Variants in ROR2 observed in about 807,000 individuals in gnomAD.
ROR2 encodes ROR family WNT receptor 2.
Under a neutral mutation model 74.9 loss-of-function variants are expected in ROR2, and 33 were observed. The ratio of observed to expected loss-of-function variants is 0.44; its 90% confidence interval spans 0.33 to 0.59. The LOEUF is 0.59. Ranked by LOEUF, ROR2 falls within the 20% of genes least tolerant of loss-of-function variation. The pLI is 0.02. For synonymous variants in ROR2, 586 were observed against 558.7 expected, an observed-to-expected ratio of 1.05 and a Z score of -0.69; for missense variants, 1,216 against 1,313.8, an observed-to-expected ratio of 0.93 and a Z score of 1.15.
chr9:91,828,382 A>G (rs1337126914), intron 1 of ROR2, among the ~76,000 whole-genome samples: 1 of 152,228 alleles, frequency 6.6e-6, no homozygotes, highest in Non-Finnish European at 1.5e-5. Context: ...TCACAAATTA[A>G]TTCTAAAAGT....
rs202056843 is a variant in ROR2, at chr9:91,876,378, A to AG, written c.97+73488_97+73489insC. On this transcript the variant is annotated intron_variant, in intron 1 of 8. Transcript: ENST00000375708. The stretch of plus-strand genomic sequence containing the variant: ...AGCCAGACTCTGTCTCCAAAAAAAA[A>AG]AAGTGAAATGAAAGTGAAGGCCTCA... 2.9e-3 allele frequency among the ~76,000 whole-genome samples: 439 copies of AG among 152,006 alleles called. 3 individuals carry two copies. The highest frequency in any genetic ancestry group is 4.2e-3 in the Non-Finnish European group (283 of 67,970).
At chr9:91,855,385 CA>C (rs1228091975) in intron 1 of ROR2, among the ~76,000 whole-genome samples, 1 of 152,230 alleles carries the variant, frequency 6.6e-6, no homozygotes, top group Non-Finnish European at 1.5e-5. Flanking sequence ...GAGATCAGGG[CA>C]CGGCGTTCGG....
At position 91,796,465 on chromosome 9, in the gene ROR2, A is replaced by G. The variant is rs545197219; in HGVS notation, c.98-20647T>C. ...AAAAAAAAAAAAAAAACATTTTCAC[A>G]TGTTTTACCTTTTCTTTCCAAATTC... On this transcript the variant is annotated intron_variant, in intron 1 of 8. Coordinates refer to ENST00000375708, the MANE Select transcript of ROR2 (RefSeq NM_004560.4). 4.7e-5 allele frequency among the ~76,000 whole-genome samples: 7 copies of G among 149,256 alleles called. No individual in the cohort carries two copies. The South Asian group carries it at 6.4e-4, about 14-fold the overall frequency.
chr9:91,735,221 C>T (rs541263879), intron 5 of ROR2, among the ~76,000 whole-genome samples: 3 of 152,354 alleles, frequency 2.0e-5, no homozygotes, highest in South Asian at 4.1e-4. Context: ...AACTCACATC[C>T]TGTTATCTGT....
intron 1 of ROR2, among the ~76,000 whole-genome samples, chr9:91,899,781 T>A (rs1040273197): frequency 3.9e-5 from 6 of 151,990 alleles, no homozygotes; most frequent in East Asian, 1.9e-4. Flanking sequence ...ACACAACACA[T>A]GCGCCACAAT....
At chr9:91,901,275 A>G (rs1830671606) in intron 1 of ROR2, among the ~76,000 whole-genome samples, 1 of 152,082 alleles carries the variant, frequency 6.6e-6, no homozygotes, top group South Asian at 2.1e-4. Flanking sequence ...GGGAAATGCA[A>G]ATCTGCATGT....
At chr9:91,896,897 C>T (rs1380695266) in intron 1 of ROR2, among the ~76,000 whole-genome samples, 2 of 152,212 alleles carry the variant, frequency 1.3e-5, no homozygotes, top group Non-Finnish European at 2.9e-5. Flanking sequence ...TCTGCTTGGC[C>T]AGGCCCCAGC....
chr9:91,852,927 C>T (rs1829152759), intron 1 of ROR2, among the ~76,000 whole-genome samples: 1 of 152,206 alleles, frequency 6.6e-6, no homozygotes, highest in African/African-American at 2.4e-5. Flanking sequence ...ACACGGCTGC[C>T]CCTCCTGCGT....
intron 1 of ROR2, among the ~76,000 whole-genome samples, chr9:91,852,658 C>CACAT (rs1208306508): frequency 5.3e-5 from 8 of 151,838 alleles, no homozygotes; most frequent in Admixed American, 2.6e-4. Context: ...CACCCACACA[C>CACAT]ACAATGTAAG....
chr9:91,790,615 A>G (rs536871572), intron 1 of ROR2, among the ~76,000 whole-genome samples: 2 of 152,264 alleles, frequency 1.3e-5, no homozygotes, highest in East Asian at 3.9e-4. Flanking sequence ...TTACTATACT[A>G]TACTTTCTAT....
chr9:91,771,059 G>A (rs1826209830), intron 2 of ROR2, among the ~76,000 whole-genome samples: 2 of 152,180 alleles, frequency 1.3e-5, no homozygotes, highest in South Asian at 2.1e-4. Flanking sequence ...ACAAATAGCA[G>A]GGAACAGCCT....
At chr9:91,906,423 AAC>A (rs1430651871) in intron 1 of ROR2, among the ~76,000 whole-genome samples, 1 of 152,148 alleles carries the variant, frequency 6.6e-6, no homozygotes, top group Non-Finnish European at 1.5e-5. Context: ...GCTCCCAGGA[AAC>A]CCACAGCACC....
intron 1 of ROR2, among the ~76,000 whole-genome samples, chr9:91,895,952 C>T (rs777941206): frequency 9.2e-5 from 14 of 152,168 alleles, no homozygotes; most frequent in Non-Finnish European, 1.9e-4. Context: ...CCATGTCACC[C>T]GCGTGCCAGT....
chr9:91,899,541 A>C (rs766293580), intron 1 of ROR2, among the ~76,000 whole-genome samples: 3 of 152,138 alleles, frequency 2.0e-5, no homozygotes, highest in African/African-American at 4.8e-5. Flanking sequence ...CTGGGGAAAA[A>C]GGTCTGCTTA....
At chr9:91,863,593 A>C (rs894543687) in intron 1 of ROR2, among the ~76,000 whole-genome samples, 1 of 152,232 alleles carries the variant, frequency 6.6e-6, no homozygotes, top group African/African-American at 2.4e-5. Context: ...TAGCCATTAA[A>C]ACAGGCTACA....
chr9:91,821,814 A>G (rs948070320), intron 1 of ROR2, among the ~76,000 whole-genome samples: 3 of 152,180 alleles, frequency 2.0e-5, no homozygotes, highest in Non-Finnish European at 2.9e-5. Flanking sequence ...CATCATGCCC[A>G]CTATACTATC....
chr9:91,920,138 G>C (rs1831227689), intron 1 of ROR2, among the ~76,000 whole-genome samples: 1 of 152,102 alleles, frequency 6.6e-6, no homozygotes, highest in African/African-American at 2.4e-5. Context: ...AAACCTCAAT[G>C]AATTCCATGT....
At chr9:91,826,590 G>C (rs1828297791) in intron 1 of ROR2, among the ~76,000 whole-genome samples, 2 of 151,944 alleles carry the variant, frequency 1.3e-5, no homozygotes, top group Non-Finnish European at 2.9e-5. Flanking sequence ...GACCATCCTG[G>C]CTAACACAGT....
chr9:91,904,907 G>A (rs1182998370), intron 1 of ROR2, among the ~76,000 whole-genome samples: 1 of 151,950 alleles, frequency 6.6e-6, no homozygotes, highest in Non-Finnish European at 1.5e-5. Flanking sequence ...CAGAACACAC[G>A]TGTGCGCACA....
Sources: gnomAD v4.1 joint callset for allele counts (sites outside exome capture counted in the v4.1 genomes callset) on GRCh38, gnomAD v4.1.1 for gene constraint, MANE v1.5 for transcripts, NCBI Gene and HGNC (gene_info 2026-07-23, HGNC 2026-07-21) for gene names.